The following PAPPA2 variants were observed in gnomAD, a reference collection of about 807,000 sequenced individuals.
The protein encoded by PAPPA2 is pappalysin 2, also known as pappalysin-2.
PAPPA2 carries 86 observed loss-of-function variants against 176.4 expected under a neutral mutation model. The ratio of observed to expected loss-of-function variants is 0.49; its 90% confidence interval spans 0.41 to 0.58. The LOEUF is 0.58. Among genes scored for constraint, PAPPA2 ranks in the 20% least tolerant of loss-of-function variants. The pLI, the probability that PAPPA2 is intolerant of heterozygous loss-of-function variation, is 0.00. For missense variants in PAPPA2, 2,073 were observed against 2,256.9 expected, an observed-to-expected ratio of 0.92 and a Z score of 1.65; for synonymous variants, 809 against 852.2, an observed-to-expected ratio of 0.95 and a Z score of 0.88.
chr1:176,839,659 T>C (rs1667407707), intron 21 of PAPPA2, among the ~76,000 whole-genome samples: 1 of 152,146 alleles, frequency 6.6e-6, no homozygotes, highest in African/African-American at 2.4e-5. Flanking sequence ...TGGAGGTTAA[T>C]ATGTGAGAAG....
intron 3 of PAPPA2, among the ~76,000 whole-genome samples, chr1:176,665,563 C>A (rs373190160): frequency 1.3e-4 from 20 of 152,298 alleles, no homozygotes; most frequent in African/African-American, 4.8e-4. Context: ...TAAAGTAGAA[C>A]TGCTTGTCTA....
chr1:176,721,041 C>G (rs1419973927), intron 12 of PAPPA2, among the ~76,000 whole-genome samples: 1 of 152,104 alleles, frequency 6.6e-6, no homozygotes, highest in Non-Finnish European at 1.5e-5. Flanking sequence ...GTGGATCTTC[C>G]TCTCTCAGTC....
chr1:176,557,591 G>A (rs969111265), intron 2 of PAPPA2, among the ~76,000 whole-genome samples: 3 of 152,130 alleles, frequency 2.0e-5, no homozygotes, highest in South Asian at 2.1e-4. Flanking sequence ...CTCCATTTCC[G>A]GTAGACCAAT....
intron 10 of PAPPA2, among the ~76,000 whole-genome samples, chr1:176,709,104 C>T (rs553483668): frequency 2.6e-5 from 4 of 152,080 alleles, no homozygotes; most frequent in East Asian, 1.9e-4. Context: ...TAGGAGTTAT[C>T]GTATGAGCAA....
intron 3 of PAPPA2, among the ~76,000 whole-genome samples, chr1:176,664,412 T>C (rs953728150): frequency 1.3e-5 from 2 of 152,218 alleles, no homozygotes; most frequent in African/African-American, 4.8e-5. Flanking sequence ...TCTCTGATCC[T>C]GTTTCCATCA....
At chr1:176,488,218 G>A (rs1002929279) in intron 1 of PAPPA2, among the ~76,000 whole-genome samples, 7 of 152,018 alleles carry the variant, frequency 4.6e-5, no homozygotes, top group African/African-American at 1.7e-4. Context: ...GAGAATTGTA[G>A]AGCTGGTTGG....
intron 12 of PAPPA2, among the ~76,000 whole-genome samples, chr1:176,713,371 G>A (rs2102837964): frequency 6.6e-6 from 1 of 152,134 alleles, no homozygotes; most frequent in Admixed American, 6.5e-5. Flanking sequence ...ACCAACTCCT[G>A]CCAGTATCTA....
intron 17 of PAPPA2, among the ~76,000 whole-genome samples, chr1:176,785,147 A>G (rs1238508102): frequency 6.6e-6 from 1 of 152,176 alleles, no homozygotes; most frequent in African/African-American, 2.4e-5. Flanking sequence ...CAAGGGCCCT[A>G]TGGGGAAACC....
chr1:176,628,214 G>A (rs1390523194), intron 3 of PAPPA2, among the ~76,000 whole-genome samples: 1 of 141,156 alleles, frequency 7.1e-6, no homozygotes, highest in Non-Finnish European at 1.6e-5. Context: ...AGAAAGCAAG[G>A]GCAGGAGGGT....
chr1:176,779,346 C>T (rs374477046), intron 17 of PAPPA2, among the ~76,000 whole-genome samples: 1 of 151,924 alleles, frequency 6.6e-6, no homozygotes, highest in African/African-American at 2.4e-5. Flanking sequence ...TGCTTTTGCT[C>T]TCTAGTGATG....
chr1:176,691,922 A>G (rs1046767864), intron 5 of PAPPA2, among the ~76,000 whole-genome samples: 1 of 152,204 alleles, frequency 6.6e-6, no homozygotes, highest in African/African-American at 2.4e-5. Flanking sequence ...AAAGTGCTGC[A>G]TCTCTGGTCT....
Position 176,699,269 on chromosome 1 carries a change from C to G in PAPPA2, c.2916C>G (p.Ser972=). ...QADTLTLWVT[S]FFMESSQVLF... is the part of the protein sequence containing the mutation. ...ACACCCTCACCCTGTGGGTCACTTC[C>G]TTCTTCATGGAGTCCTCGCAGGTCC... The change falls in exon 8 of 23, where the codon TCC becomes TCG. Residue 972 remains serine (S), a synonymous_variant. Transcript: ENST00000367662. 6.2e-7 allele frequency: 1 copy of G among 1,614,174 alleles called. No homozygotes were observed. The highest frequency in any genetic ancestry group is 1.1e-5 in the South Asian group (1 of 91,080).
chr1:176,830,942 A>G (rs1667058884), intron 21 of PAPPA2, among the ~76,000 whole-genome samples: 1 of 152,222 alleles, frequency 6.6e-6, no homozygotes, highest in Non-Finnish European at 1.5e-5. Context: ...AGTGTCATGA[A>G]AACAGTTTTT....
At chr1:176,693,524 G>A (rs1660218721) in intron 6 of PAPPA2, among the ~76,000 whole-genome samples, 1 of 152,238 alleles carries the variant, frequency 6.6e-6, no homozygotes, top group African/African-American at 2.4e-5. Context: ...TGTCGCTGGA[G>A]CAAGTTTCCG....
chr1:176,825,740 G>A (rs943174940), intron 21 of PAPPA2, among the ~76,000 whole-genome samples: 22 of 152,170 alleles, frequency 1.4e-4, no homozygotes, highest in Admixed American at 8.5e-4. Flanking sequence ...ACCATGTTAC[G>A]TATTATATCC....
intron 3 of PAPPA2, among the ~76,000 whole-genome samples, chr1:176,627,384 G>T (rs936160684): frequency 3.9e-5 from 6 of 152,126 alleles, no homozygotes; most frequent in East Asian, 3.9e-4. Flanking sequence ...AGCTGGATGG[G>T]ATAGCAAAGA....
intron 21 of PAPPA2, among the ~76,000 whole-genome samples, chr1:176,814,323 T>C (rs764147318): frequency 6.6e-6 from 1 of 152,188 alleles, no homozygotes; most frequent in Non-Finnish European, 1.5e-5. Flanking sequence ...CTGTGAAGAA[T>C]GTCAATGGTA....
rs751888187 is a variant in PAPPA2 at position 176,769,677 on chromosome 1, G to A, written c.4394G>A (p.Gly1465Asp). ...QNVSCLPVDC[G>D]VPDPSLVNYA... ...GTGAGCTGCCTTCCCGTGGACTGCG[G>A]TGTTCCCGACCCGTCTTTGGTGAAC... Residue 1465 changes from glycine (G) to aspartate (D), a missense_variant, in exon 16 of 23, where the codon GGT becomes GAT. By Grantham distance (94) the Gly-to-Asp change is moderately conservative. Coordinates refer to ENST00000367662, the MANE Select transcript of PAPPA2 (RefSeq NM_020318.3). 6.2e-6 allele frequency: 10 copies of A among 1,613,890 alleles called. No homozygotes were observed. The East Asian group carries it at 2.2e-4, about 36-fold the overall frequency.
At chr1:176,777,826 T>G (rs903981329) in intron 17 of PAPPA2, among the ~76,000 whole-genome samples, 3 of 152,098 alleles carry the variant, frequency 2.0e-5, no homozygotes, top group African/African-American at 7.2e-5. Flanking sequence ...TTTATCATCA[T>G]CACCATCATC....
Sources: allele counts gnomAD v4.1 joint callset (sites outside exome capture counted in the v4.1 genomes callset), GRCh38; gene constraint gnomAD v4.1.1; transcripts MANE v1.5; gene names NCBI Gene and HGNC (gene_info 2026-07-23, HGNC 2026-07-21).